The following AGPAT4 variants were observed in gnomAD, a reference collection of about 807,000 sequenced individuals.
AGPAT4 encodes the protein 1-acylglycerol-3-phosphate O-acyltransferase 4.
A neutral mutation model predicts 48.0 loss-of-function variants in AGPAT4; 15 were observed. The observed-to-expected ratio is 0.31, with a 90% confidence interval of 0.21 to 0.48. The LOEUF (loss-of-function observed/expected upper bound fraction) is 0.48. Ranked by LOEUF, AGPAT4 falls within the 20% of genes least tolerant of loss-of-function variation. AGPAT4 has a pLI of 0.99. For missense variants in AGPAT4, 314 were observed against 482.5 expected (o/e 0.65, Z 3.27); for synonymous variants, 178 against 198.7 (o/e 0.90, Z 0.88).
rs976816100 is a variant in AGPAT4, at chr6:161,161,785, C to T, written c.348+4463G>A. The T allele has an allele frequency of 1.7e-5, 5 of 298,196 alleles. No individual in the cohort carries two copies. Among genetic ancestry groups the T allele is most frequent in the South Asian group, 3.3e-5 (1 of 30,544 alleles). 18.5% of individuals were successfully genotyped at this position (298,196 alleles called of 1,614,324 possible). On this transcript the variant is annotated intron_variant, in intron 3 of 8. Coordinates refer to ENST00000320285, the MANE Select transcript of AGPAT4 (RefSeq NM_020133.3). The surrounding 1 kb of genome is among the most constrained non-coding windows in gnomAD (Gnocchi z 4.6). ...ACACACAATCAACACTCACTGGACA[C>T]GTATTTTGAAGGTATATCAATTGCT...
chr6:161,187,855 AT>A (rs1449278786), intron 2 of AGPAT4, among the ~76,000 whole-genome samples: 1 of 152,066 alleles, frequency 6.6e-6, no homozygotes, highest in Non-Finnish European at 1.5e-5. Flanking sequence ...AACTTTTTTT[AT>A]TTTAAAAGCA....
intron 2 of AGPAT4, among the ~76,000 whole-genome samples, chr6:161,210,900 G>C (rs1253413327): frequency 1.3e-5 from 2 of 152,192 alleles, no homozygotes; most frequent in Non-Finnish European, 2.9e-5. Context: ...AATTTAGTAA[G>C]ATTACTGTAA....
Position 161,255,805 on chromosome 6 carries a change from C to A in AGPAT4, c.-90+18133G>T, listed in dbSNP as rs935614389. On this transcript the variant is annotated intron_variant, in intron 1 of 8. Coordinates refer to ENST00000320285, the MANE Select transcript of AGPAT4 (RefSeq NM_020133.3). The surrounding 1 kb of genome is among the most constrained non-coding windows in gnomAD (Gnocchi z 4.7). ...TCTCAAAGTAGATAGTGGTGATGGT[C>A]GCACAACCATGAATATACAAAAAGC... 6.6e-6 allele frequency among the ~76,000 whole-genome samples: 1 copy of A among 151,960 alleles called. No individual in the cohort carries two copies. Among genetic ancestry groups the A allele is most frequent in the African/African-American group, 2.4e-5 (1 of 41,322 alleles).
rs1451010435 is a variant in AGPAT4, at chr6:161,166,445, T to C, written c.179-28A>G. On this transcript the variant is annotated intron_variant, in intron 2 of 8. Transcript: ENST00000320285. The surrounding 1 kb of genome is among the most constrained non-coding windows in gnomAD (Gnocchi z 6.7). The stretch of plus-strand genomic sequence containing the variant: ...GGAACAAACCACAACAGACAGATGT[T>C]TACTACATGCAGCCTTGTCCTGGGA... 6.4e-7 allele frequency: 1 copy of C among 1,574,780 alleles called. No homozygotes were observed. Among genetic ancestry groups the C allele is most frequent in the Non-Finnish European group, 8.6e-7 (1 of 1,159,228 alleles).
rs1781842686 is a variant in AGPAT4, at chr6:161,221,794, T to C, written c.178+10242A>G. Among the ~76,000 whole-genome samples the C allele has an allele frequency of 6.6e-6, 1 of 152,210 alleles. No individual in the cohort carries two copies. The highest frequency in any genetic ancestry group is 1.5e-5 in the Non-Finnish European group (1 of 68,036). On this transcript the variant is annotated intron_variant, in intron 2 of 8. Coordinates refer to ENST00000320285, the MANE Select transcript of AGPAT4 (RefSeq NM_020133.3). The surrounding 1 kb of genome is among the most constrained non-coding windows in gnomAD (Gnocchi z 4.5). ...GGTGTTCCTTGGCTTGCAGGGGATA[T>C]TGTCCTCGTATCTTCACATCGTCTT...
chr6:161,172,212 C>G (rs1431985661), intron 2 of AGPAT4, among the ~76,000 whole-genome samples: 2 of 152,226 alleles, frequency 1.3e-5, no homozygotes, highest in African/African-American at 4.8e-5. Flanking sequence ...ATGACCTGCA[C>G]TAAGAGGAAC....
In AGPAT4 at chr6:161,170,930, C is replaced by T. The variant is rs367882209; in HGVS notation, c.179-4513G>A. ...TGCAGATCTTGGAATTGCTCCATCTCGTTCTCTTCCCACAAGATTCTGTCC... is the reference window on the plus strand; with the variant it reads ...TGCAGATCTTGGAATTGCTCCATCTTGTTCTCTTCCCACAAGATTCTGTCC... On this transcript the variant is annotated intron_variant, in intron 2 of 8. Coordinates refer to ENST00000320285, the MANE Select transcript of AGPAT4 (RefSeq NM_020133.3). Among the ~76,000 whole-genome samples, 11 of 152,230 alleles carry T rather than the reference C, an allele frequency of 7.2e-5. 1 individual carries two copies. The East Asian group carries it at 9.6e-4, about 13-fold the overall frequency.
intron 2 of AGPAT4, among the ~76,000 whole-genome samples, chr6:161,183,219 G>C (rs1780650787): frequency 6.6e-6 from 1 of 152,124 alleles, no homozygotes; most frequent in African/African-American, 2.4e-5. Flanking sequence ...TGCTGATGTG[G>C]AGCCTGCTGA....
At position 161,132,334 on chromosome 6, in the gene AGPAT4, AAG is replaced by A. The variant is rs1778927971; in HGVS notation, c.*4204_*4205del. 1.3e-5 allele frequency: 2 copies of A among 152,350 alleles called. No homozygotes were observed. The highest frequency in any genetic ancestry group is 4.1e-4 in the South Asian group (2 of 4,828). 9.4% of individuals were successfully genotyped at this position (152,350 alleles called of 1,614,324 possible). A position where few individuals can be genotyped will look rare whatever the true frequency, so the allele number is the denominator to read the frequency against. On this transcript the variant is annotated 3_prime_UTR_variant, in exon 9 of 9. Coordinates refer to ENST00000320285, the MANE Select transcript of AGPAT4 (RefSeq NM_020133.3). The stretch of plus-strand genomic sequence containing the variant: ...TATATAGATGGGGAAAAATCCAGAA[AAG>A]GGGGATTTTCAGCAGCTGGCTTGAA...
In AGPAT4 at chr6:161,272,079, T is replaced by A. The variant is rs1190740992; in HGVS notation, c.-90+1859A>T. On this transcript the variant is annotated intron_variant, in intron 1 of 8. Transcript: ENST00000320285. The surrounding 1 kb of genome is among the most constrained non-coding windows in gnomAD (Gnocchi z 4.2). ...TCTCGTCTTTAACTCCATGTGGCTC[T>A]GGTTTGTTTTGTGCCATGCTATTTT... 6.6e-6 allele frequency among the ~76,000 whole-genome samples: 1 copy of A among 152,248 alleles called. No individual in the cohort carries two copies. The highest frequency in any genetic ancestry group is 1.5e-5 in the Non-Finnish European group (1 of 68,038).
At position 161,243,289 on chromosome 6, in the gene AGPAT4, C is replaced by A. The variant is rs368093606; in HGVS notation, c.-89-10987G>T. Among the ~76,000 whole-genome samples the A allele has an allele frequency of 6.6e-6, 1 of 152,092 alleles. No individual in the cohort carries two copies. Among genetic ancestry groups the A allele is most frequent in the East Asian group, 1.9e-4 (1 of 5,166 alleles). On this transcript the variant is annotated intron_variant, in intron 1 of 8. Transcript: ENST00000320285. This position sits in a 1 kb window ranked among gnomAD's most constrained non-coding sequence, Gnocchi z 4.8. The stretch of plus-strand genomic sequence containing the variant: ...CAAAGTAGGGAAATGGCCCAAGACC[C>A]GGCCCTGGGCCGGCAGAAGCAGGCG...
rs1275941049 is a variant in AGPAT4 at position 161,238,476 on chromosome 6, A to G, written c.-89-6174T>C. Among the ~76,000 whole-genome samples the G allele has an allele frequency of 6.6e-6, 1 of 152,146 alleles. No homozygotes were observed. The highest frequency in any genetic ancestry group is 1.5e-5 in the Non-Finnish European group (1 of 68,020). On this transcript the variant is annotated intron_variant, in intron 1 of 8. Transcript: ENST00000320285. This position sits in a 1 kb window ranked among gnomAD's most constrained non-coding sequence, Gnocchi z 5.2. ...CTTCTCTACCTATCTAGATCAAGAC[A>G]TTGTCTTTAATTTACCTGTAATGTG... is the stretch of plus-strand genomic sequence containing the variant.
intron 2 of AGPAT4, among the ~76,000 whole-genome samples, chr6:161,183,754 A>AGGGGAGGGGAGGGG (rs1780678737): frequency 1.1e-5 from 1 of 92,588 alleles, no homozygotes; most frequent in African/African-American, 4.7e-5. Context: ...GAGGGGAGGG[A>AGGGGAGGGGAGGGG]GGCTGATCCT....
At chr6:161,241,749 T>C (rs1782498593) in intron 1 of AGPAT4, among the ~76,000 whole-genome samples, 1 of 152,238 alleles carries the variant, frequency 6.6e-6, no homozygotes, top group South Asian at 2.1e-4. Flanking sequence ...TTGTTTGTTT[T>C]TGAGATGGAG....
intron 1 of AGPAT4, among the ~76,000 whole-genome samples, chr6:161,269,373 C>T (rs1277652701): frequency 3.3e-5 from 5 of 152,222 alleles, no homozygotes; most frequent in Non-Finnish European, 5.9e-5. Flanking sequence ...CAGCTAACCA[C>T]TTGATCCCTC....
chr6:161,232,315 C>G lies in AGPAT4; in HGVS notation c.-89-13G>C, dbSNP rs1004223122. The G allele has an allele frequency of 6.4e-5, 75 of 1,173,748 alleles. No homozygotes were observed. The Admixed American group carries it at 6.4e-4, about 10-fold the overall frequency. 72.7% of individuals were successfully genotyped at this position (1,173,748 alleles called of 1,614,324 possible). On this transcript the variant is annotated splice_polypyrimidine_tract_variant and intron_variant, in intron 1 of 8. Coordinates refer to ENST00000320285, the MANE Select transcript of AGPAT4 (RefSeq NM_020133.3). The surrounding 1 kb of genome is among the most constrained non-coding windows in gnomAD (Gnocchi z 6.8). The stretch of plus-strand genomic sequence containing the variant: ...CTCAGGAAGGCGTCTAAAACACAAA[C>G]AAATAGGAAATGTTAGCAAAAACAC...
At chr6:161,239,286 C>T (rs1782410405) in intron 1 of AGPAT4, among the ~76,000 whole-genome samples, 1 of 152,202 alleles carries the variant, frequency 6.6e-6, no homozygotes, top group Non-Finnish European at 1.5e-5. Context: ...AGAATCCAAA[C>T]CGCATCCTTC....
chr6:161,191,501 A>AG (rs1351589464), intron 2 of AGPAT4, among the ~76,000 whole-genome samples: 1 of 152,202 alleles, frequency 6.6e-6, no homozygotes, highest in African/African-American at 2.4e-5. Flanking sequence ...TAGAATATCA[A>AG]GGGGAACCAA....
At chr6:161,174,024 C>T (rs181212848) in intron 2 of AGPAT4, among the ~76,000 whole-genome samples, 3 of 152,096 alleles carry the variant, frequency 2.0e-5, no homozygotes, top group African/African-American at 7.2e-5. Context: ...TTGGTACCAG[C>T]ACCATGCTGT....
Sources: allele counts gnomAD v4.1 joint callset (sites outside exome capture counted in the v4.1 genomes callset), GRCh38; gene constraint gnomAD v4.1.1; non-coding constraint Gnocchi (gnomAD v3.1); transcripts MANE v1.5; gene names NCBI Gene and HGNC (gene_info 2026-07-23, HGNC 2026-07-21).